Variants in WHRN observed in about 807,000 individuals in gnomAD.
The protein encoded by WHRN is whirlin, also known as CASK-interacting protein CIP98.
WHRN carries 41 observed loss-of-function variants against 68.3 expected under a neutral mutation model. The ratio of observed to expected loss-of-function variants is 0.60; its 90% CI spans 0.47 to 0.78. The LOEUF is 0.78. Ranked by LOEUF, WHRN falls within the 30% of genes least tolerant of loss-of-function variation. The probability of loss-of-function intolerance (pLI) is 0.00; values close to 1 mark genes in which losing one functional copy is unlikely to be tolerated. For synonymous variants in WHRN, 560 were observed against 561.3 expected, an observed-to-expected ratio of 1.00 and a Z score of 0.03; for missense variants, 1,243 against 1,244.7, an observed-to-expected ratio of 1.00 and a Z score of 0.02.
Position 114,424,419 on chromosome 9 carries a change from T to C in WHRN, c.1331A>G (p.Tyr444Cys), listed in dbSNP as rs45530335. The change falls in exon 6 of 12, where the codon TAC becomes TGC. Residue 444 changes from tyrosine to cysteine, a missense_variant. Physicochemically the swap from Tyr to Cys is radical, Grantham distance 194 (BLOSUM62 -2). Coordinates refer to ENST00000362057, the MANE Select transcript of WHRN (RefSeq NM_015404.4). ...LNEQEHATMA[Y>C]YLDEYRGGSV... ...GCCACCACGGTACTCATCCAGGTAG[T>C]AGGCCATGGTGGCGTGTTCCTGCTC... 353 of 1,613,322 alleles carry C rather than the reference T, an allele frequency of 2.2e-4. No individual in the cohort carries two copies. The highest frequency in any genetic ancestry group is 2.8e-4 in the Non-Finnish European group (335 of 1,180,022).
At chr9:114,421,803 C>G (rs1449738116) in intron 7 of WHRN, among the ~76,000 whole-genome samples, 3 of 152,192 alleles carry the variant, frequency 2.0e-5, no homozygotes, top group Non-Finnish European at 4.4e-5. Flanking sequence ...CAGAAGTGAT[C>G]TGCTTGTCCC....
At chr9:114,404,544 T>A (rs1412764672) in intron 9 of WHRN, among the ~76,000 whole-genome samples, 1 of 152,204 alleles carries the variant, frequency 6.6e-6, no homozygotes, top group Non-Finnish European at 1.5e-5. Context: ...AACCCCTGCA[T>A]GGCCCCTGCC....
At chr9:114,431,178 G>A (rs957151214) in intron 3 of WHRN, among the ~76,000 whole-genome samples, 2 of 152,282 alleles carry the variant, frequency 1.3e-5, no homozygotes, top group African/African-American at 2.4e-5. Context: ...CCAGGCAACC[G>A]TGACATAGTA....
In WHRN at chr9:114,470,482, G is replaced by A. The variant is rs534393738; in HGVS notation, c.838-4090C>T. ...GAGCCAGGCTAAGAGGCTGGGCTAT[G>A]AGCAGGACAGTGACAGGCTCCAAAG... On this transcript the variant is annotated intron_variant, in intron 2 of 11. Transcript: ENST00000362057. Among the ~76,000 whole-genome samples the A allele has an allele frequency of 1.1e-4, 17 of 152,304 alleles. No homozygotes were observed. The South Asian group carries it at 1.2e-3, about 11-fold the overall frequency.
chr9:114,495,357 C>T (rs982626819), intron 1 of WHRN, among the ~76,000 whole-genome samples: 1 of 152,104 alleles, frequency 6.6e-6, no homozygotes. Flanking sequence ...TGCTACAGTT[C>T]GGCAGTGCTG....
intron 3 of WHRN, among the ~76,000 whole-genome samples, chr9:114,461,019 C>T (rs1188298218): frequency 1.3e-5 from 2 of 152,158 alleles, no homozygotes; most frequent in Non-Finnish European, 2.9e-5. Context: ...GTACAATAAA[C>T]AGCAGGAATA....
At position 114,403,228 on chromosome 9, in the gene WHRN, C is replaced by G; in HGVS notation, c.2530G>C (p.Val844Leu). 1 of 1,614,164 alleles carries G rather than the reference C, an allele frequency of 6.2e-7. No homozygotes were observed. Reference protein sequence around the residue: ...ANTRQPLPRIVTIQRGGSAHN... With the variant: ...ANTRQPLPRILTIQRGGSAHN... ...CCCTGGGGACATACCTGAATAGTGA[C>G]AATCCTAGGCAGGGGCTGGCGGGTG... Residue 844 changes from valine to leucine, a missense_variant, in exon 11 of 12, where the codon GTC becomes CTC. By Grantham distance (32) the Val-to-Leu change is conservative. Coordinates refer to ENST00000362057, the MANE Select transcript of WHRN (RefSeq NM_015404.4).
intron 3 of WHRN, among the ~76,000 whole-genome samples, chr9:114,446,119 C>T (rs1290152001): frequency 2.0e-5 from 3 of 152,136 alleles, no homozygotes; most frequent in Admixed American, 6.5e-5. Flanking sequence ...ACAACCCAAA[C>T]GTCCATCAAC....
At position 114,504,864 on chromosome 9, in the gene WHRN, C is replaced by A. The variant is rs984579481; in HGVS notation, c.-63G>T. The A allele has an allele frequency of 1.0e-4, 139 of 1,337,388 alleles. No homozygotes were observed. In the African/African-American group the frequency reaches 2.1e-3, roughly 20 times the overall value. 82.8% of individuals were successfully genotyped at this position (1,337,388 alleles called of 1,614,324 possible). On this transcript the variant is annotated 5_prime_UTR_variant, in exon 1 of 12. Coordinates refer to ENST00000362057, the MANE Select transcript of WHRN (RefSeq NM_015404.4). ...GGTGTGGGCGGTGCCGCTGTCCTCG[C>A]GGGTACTGGCGCGACAGCTGGATCC...
At chr9:114,468,181 T>A (rs1205838751) in intron 2 of WHRN, among the ~76,000 whole-genome samples, 2 of 152,130 alleles carry the variant, frequency 1.3e-5, no homozygotes, top group South Asian at 2.1e-4. Context: ...CTGCCTGTCT[T>A]ATAAGGTTAC....
rs560437606 is a variant in WHRN at position 114,493,116 on chromosome 9, G to A, written c.618+11068C>T. Reference sequence around the variant, plus strand: ...TGTAATCCCAGTGTTTTGAGAGGCCGAGGTAGGAGAATCGCTTGAGCCCAG... The same window carrying A: ...TGTAATCCCAGTGTTTTGAGAGGCCAAGGTAGGAGAATCGCTTGAGCCCAG... On this transcript the variant is annotated intron_variant, in intron 1 of 11. Transcript: ENST00000362057. 1.2e-4 allele frequency among the ~76,000 whole-genome samples: 19 copies of A among 152,226 alleles called. No individual in the cohort carries two copies. In the East Asian group the frequency reaches 2.1e-3, roughly 17 times the overall value.
At chr9:114,423,207 T>C in intron 7 of WHRN, 107 bp downstream of exon 7, 1 of 1,167,004 alleles carries the variant, frequency 8.6e-7, no homozygotes, top group Non-Finnish European at 1.3e-6. Flanking sequence ...GGCACACAGC[T>C]GGTAAGTGGT....
intron 2 of WHRN, among the ~76,000 whole-genome samples, chr9:114,471,063 A>G (rs1349543362): frequency 1.3e-5 from 2 of 152,194 alleles, no homozygotes; most frequent in Non-Finnish European, 2.9e-5. Flanking sequence ...TAACAGTTCT[A>G]TCAAGCACAG....
chr9:114,498,870 G>T (rs980964735), intron 1 of WHRN, among the ~76,000 whole-genome samples: 1 of 152,132 alleles, frequency 6.6e-6, no homozygotes, highest in Non-Finnish European at 1.5e-5. Flanking sequence ...CCTGGGGAAG[G>T]TTAAAGGGAA....
At chr9:114,467,448 T>TG (rs145409798) in intron 2 of WHRN, among the ~76,000 whole-genome samples, 2,714 of 146,678 alleles carry the variant, frequency 0.019, 75 homozygotes, top group African/African-American at 0.065. Flanking sequence ...CTGACTGGCG[T>TG]GGGGGGGTGC....
At chr9:114,420,110 C>T (rs1388506430) in intron 7 of WHRN, among the ~76,000 whole-genome samples, 3 of 152,218 alleles carry the variant, frequency 2.0e-5, no homozygotes, top group Admixed American at 6.5e-5. Flanking sequence ...AGAAAAGATA[C>T]ATCAAATAAA....
intron 1 of WHRN, among the ~76,000 whole-genome samples, chr9:114,489,512 GCGTGCACACACACACACA>G (rs1564223015): frequency 1.4e-4 from 2 of 13,954 alleles, no homozygotes; most frequent in Non-Finnish European, 2.1e-4. Flanking sequence ...ACGCACACAC[GCGTGCACACACACACACA>G]CACACACTTT....
chr9:114,421,734 A>C (rs1836305521), intron 7 of WHRN, among the ~76,000 whole-genome samples: 1 of 152,092 alleles, frequency 6.6e-6, no homozygotes, highest in Non-Finnish European at 1.5e-5. Flanking sequence ...TCCTCACCTA[A>C]ATGCCATATC....
Position 114,406,702 on chromosome 9 carries a change from G to A in WHRN, c.1889C>T (p.Pro630Leu). The change falls in exon 9 of 12, where the codon CCA becomes CTA. Residue 630 changes from proline (P) to leucine (L), a missense_variant. Coordinates refer to ENST00000362057, the MANE Select transcript of WHRN (RefSeq NM_015404.4). ...CCCTGGGGTGGGTGCGGTGCCCGCTGGCGGGCTGCGGTTCTGTGGAGCCGA... is the reference window on the plus strand; with the variant it reads ...CCCTGGGGTGGGTGCGGTGCCCGCTAGCGGGCTGCGGTTCTGTGGAGCCGA... ...VFSAPQNRSP[P>L]AGTAPTPGTS... 5.0e-6 allele frequency: 8 copies of A among 1,614,092 alleles called. No homozygotes were observed. The highest frequency in any genetic ancestry group is 6.8e-6 in the Non-Finnish European group (8 of 1,180,024).
Sources: gnomAD v4.1 joint callset for allele counts (sites outside exome capture counted in the v4.1 genomes callset) on GRCh38, gnomAD v4.1.1 for gene constraint, MANE v1.5 for transcripts, NCBI Gene and HGNC (gene_info 2026-07-23, HGNC 2026-07-21) for gene names.